The following GCNT1 variants were observed in gnomAD, a reference collection of about 807,000 sequenced individuals.
The protein encoded by GCNT1 is glucosaminyl (N-acetyl) transferase 1.
Under a neutral mutation model 26.2 loss-of-function variants are expected in GCNT1, and 16 were observed. The ratio of observed to expected loss-of-function variants is 0.61; its 90% CI spans 0.41 to 0.93. The LOEUF is 0.93. Ranked by LOEUF, GCNT1 falls within the 40% of genes least tolerant of loss-of-function variation. The probability of loss-of-function intolerance (pLI) is 0.00; values close to 1 mark genes in which losing one functional copy is unlikely to be tolerated. For missense variants in GCNT1, 477 were observed against 526.7 expected, an observed-to-expected ratio of 0.91 and a Z score of 0.92; for synonymous variants, 183 against 190.8, an observed-to-expected ratio of 0.96 and a Z score of 0.34.
intron 1 of GCNT1, among the ~76,000 whole-genome samples, chr9:76,443,945 GGA>G: frequency 1.3e-5 from 1 of 74,894 alleles, no homozygotes; most frequent in African/African-American, 4.8e-5. Flanking sequence ...AAGGAAGGAA[GGA>G]AGGAAGGAAG....
intron 2 of GCNT1, among the ~76,000 whole-genome samples, chr9:76,490,009 G>T (rs935722907): frequency 6.6e-6 from 1 of 152,198 alleles, no homozygotes; most frequent in Non-Finnish European, 1.5e-5. Flanking sequence ...TGACAAGGAG[G>T]TTAAAAATAC....
At chr9:76,419,872 C>T (rs988811140) in exon 1 of GCNT1, 1 of 152,266 alleles carries the variant, frequency 6.6e-6, no homozygotes, top group Admixed American at 6.5e-5. Context: ...TGCTGAGCTC[C>T]AGCCAAAGAA....
chr9:76,504,812 G>A lies in GCNT1; in HGVS notation c.*1144G>A. 2.4e-6 allele frequency: 1 copy of A among 413,530 alleles called. No homozygotes were observed. The highest frequency in any genetic ancestry group is 4.4e-6 in the Non-Finnish European group (1 of 226,174). The allele number at this position is 413,530 out of a possible 1,614,324, so 25.6% of individuals were successfully genotyped here. Reference sequence around the variant, plus strand: ...CCGTTACCTGCCCCCTGGGTGGTAAGTTTCCTCCTTTCTCAACCTTCCACG... The same window carrying A: ...CCGTTACCTGCCCCCTGGGTGGTAAATTTCCTCCTTTCTCAACCTTCCACG... On this transcript the variant is annotated 3_prime_UTR_variant, in exon 4 of 4. Transcript: ENST00000376730.
chr9:76,504,859 C>A lies in GCNT1; in HGVS notation c.*1191C>A. Reference sequence around the variant, plus strand: ...CACGAGGAGGAAAGAAGTGTGCAGTCATTCCACATGGCCTGTTGGAAGGCC... The same window carrying A: ...CACGAGGAGGAAAGAAGTGTGCAGTAATTCCACATGGCCTGTTGGAAGGCC... On this transcript the variant is annotated 3_prime_UTR_variant, in exon 4 of 4. Transcript: ENST00000376730. 4.8e-6 allele frequency: 2 copies of A among 413,412 alleles called. No individual in the cohort carries two copies. The highest frequency in any genetic ancestry group is 2.5e-4 in the South Asian group (2 of 7,854). 25.6% of individuals were successfully genotyped at this position (413,412 alleles called of 1,614,324 possible).
chr9:76,406,195 A>C, the GCNT1 span, among the ~76,000 whole-genome samples: 41 of 152,298 alleles, frequency 2.7e-4, no homozygotes, highest in Non-Finnish European at 5.3e-4. Context: ...GTGTCTGTTC[A>C]GGTCTTTTGC....
intron 2 of GCNT1, among the ~76,000 whole-genome samples, chr9:76,470,357 A>C (rs562884403): frequency 2.0e-5 from 3 of 152,230 alleles, no homozygotes; most frequent in South Asian, 2.1e-4. Context: ...TAATTTCAGC[A>C]CTTTGGGAGG....
chr9:76,448,502 T>C (rs1823613098), intron 1 of GCNT1, among the ~76,000 whole-genome samples: 1 of 152,084 alleles, frequency 6.6e-6, no homozygotes, highest in Non-Finnish European at 1.5e-5. Flanking sequence ...TTTAATAAAA[T>C]ATAGCTGTTT....
chr9:76,407,071 A>C, the GCNT1 span, among the ~76,000 whole-genome samples: 1 of 152,096 alleles, frequency 6.6e-6, no homozygotes, highest in African/African-American at 2.4e-5. Flanking sequence ...ATTCCCATAC[A>C]CAAGGTCATC....
At chr9:76,447,151 CAAAAAAA>C (rs532132124) in intron 1 of GCNT1, among the ~76,000 whole-genome samples, 2 of 35,992 alleles carry the variant, frequency 5.6e-5, no homozygotes, top group East Asian at 1.1e-3. Context: ...AACCCTGTGT[CAAAAAAA>C]AAAAAAAAAA....
chr9:76,496,439 C>T (rs1393567892), intron 2 of GCNT1, among the ~76,000 whole-genome samples: 3 of 152,180 alleles, frequency 2.0e-5, no homozygotes, highest in African/African-American at 7.2e-5. Flanking sequence ...GGGATTTGTG[C>T]ATATGCTTTT....
intron 2 of GCNT1, among the ~76,000 whole-genome samples, chr9:76,480,949 A>G (rs975013155): frequency 2.0e-5 from 3 of 152,068 alleles, no homozygotes; most frequent in Non-Finnish European, 4.4e-5. Context: ...TACTCAGAAA[A>G]AAAAAATAGC....
chr9:76,414,260 G>C, the GCNT1 span, among the ~76,000 whole-genome samples: 1 of 152,016 alleles, frequency 6.6e-6, no homozygotes, highest in Non-Finnish European at 1.5e-5. Context: ...AGTGTGCCTT[G>C]TCATTTTTTG....
intron 1 of GCNT1, among the ~76,000 whole-genome samples, chr9:76,427,307 C>T (rs1464682388): frequency 3.3e-5 from 5 of 151,570 alleles, no homozygotes; most frequent in Non-Finnish European, 7.4e-5. Context: ...AGCAATCCTC[C>T]TACCTCAGTC....
chr9:76,478,734 T>C (rs1041340333), intron 2 of GCNT1, among the ~76,000 whole-genome samples: 1 of 152,236 alleles, frequency 6.6e-6, no homozygotes, highest in Non-Finnish European at 1.5e-5. Flanking sequence ...ACGTGCTTTT[T>C]CTTAACCATT....
chr9:76,396,913 A>C, the GCNT1 span, among the ~76,000 whole-genome samples: 6 of 152,168 alleles, frequency 3.9e-5, no homozygotes, highest in Non-Finnish European at 7.3e-5. Flanking sequence ...CCTGAGCCCC[A>C]GAATTTGAGG....
chr9:76,413,668 G>GTTTTTTTTTTTTTTT, the GCNT1 span, among the ~76,000 whole-genome samples: 67 of 84,148 alleles, frequency 8.0e-4, no homozygotes, highest in East Asian at 1.8e-3. Flanking sequence ...TTTTTTTTTT[G>GTTTTTTTTTTTTTTT]TTTTTTTTTT....
chr9:76,489,448 C>T (rs1824668952), intron 2 of GCNT1, among the ~76,000 whole-genome samples: 1 of 152,162 alleles, frequency 6.6e-6, no homozygotes, highest in South Asian at 2.1e-4. Flanking sequence ...AACAAAGCTT[C>T]CACAGGCGTG....
intron 2 of GCNT1, among the ~76,000 whole-genome samples, chr9:76,497,666 A>C (rs1824945502): frequency 6.6e-6 from 1 of 152,118 alleles, no homozygotes; most frequent in Admixed American, 6.5e-5. Context: ...TTTGGTTTTG[A>C]ACTTTGTATT....
At chr9:76,394,269 G>A in the GCNT1 span, 2 of 1,276,266 alleles carry the variant, frequency 1.6e-6, no homozygotes, top group Non-Finnish European at 2.1e-6. Context: ...CCGGGGGACA[G>A]GAGCGTGAGC....
Sources: allele counts gnomAD v4.1 joint callset (sites outside exome capture counted in the v4.1 genomes callset), GRCh38; gene constraint gnomAD v4.1.1; transcripts MANE v1.5; gene names NCBI Gene and HGNC (gene_info 2026-07-23, HGNC 2026-07-21).